The following ABCG1 variants were observed in gnomAD, a reference collection of about 807,000 sequenced individuals.
ABCG1 encodes the protein ATP-binding cassette sub-family G member 1.
In ABCG1, 29 loss-of-function variants were observed where a neutral mutation model predicts 69.2. That is an observed-to-expected ratio of 0.42 (90% CI 0.31 to 0.57). The LOEUF is 0.57. ABCG1 is among the 20% of genes least tolerant of loss of function. The probability of loss-of-function intolerance (pLI) is 0.15; values close to 1 mark genes in which losing one functional copy is unlikely to be tolerated. For missense variants in ABCG1, 718 were observed against 898.1 expected (o/e 0.80, Z 2.56); for synonymous variants, 370 against 374.8 (o/e 0.99, Z 0.15).
chr21:42,272,430 G>C (rs1442473887), intron 3 of ABCG1, among the ~76,000 whole-genome samples: 2 of 152,284 alleles, frequency 1.3e-5, no homozygotes, highest in African/African-American at 4.8e-5. Context: ...GCCTGGAGGA[G>C]AGAAGAGACC....
chr21:42,263,534 G>A (rs1051509200), intron 2 of ABCG1, among the ~76,000 whole-genome samples: 5 of 152,166 alleles, frequency 3.3e-5, no homozygotes, highest in African/African-American at 4.8e-5. Flanking sequence ...TATGGTCTGC[G>A]CACTTCTCTG....
chr21:42,207,808 C>T (rs907176016), intron 2 of ABCG1, among the ~76,000 whole-genome samples: 1 of 152,202 alleles, frequency 6.6e-6, no homozygotes, highest in Non-Finnish European at 1.5e-5. Flanking sequence ...AAGACCTTAA[C>T]TACTGTTCCC....
chr21:42,213,083 A>G (rs221948), upstream of ABCG1, among the ~76,000 whole-genome samples: 139,692 of 152,340 alleles, frequency 0.92, 64,280 homozygotes, highest in African/African-American at 0.98. Context: ...GCATGTTTAG[A>G]AGATCAAGGG....
At chr21:42,289,987 G>C in intron 10 of ABCG1, 63 bp from the exon 11 acceptor site, 1 of 1,601,760 alleles carries the variant, frequency 6.2e-7, no homozygotes, top group Non-Finnish European at 8.6e-7. Context: ...CCGCATCCGG[G>C]TTGTTCTCTG....
At position 42,260,167 on chromosome 21, in the gene ABCG1, G is replaced by A. The variant is rs147710553; in HGVS notation, c.287-10903G>A. ...GAGGATGAGTTGTGTTGCTTCTCGG[G>A]TGAAGCTGGTCACGTGGCCCTAAAG... On this transcript the variant is annotated intron_variant, in intron 2 of 14. Transcript: ENST00000398449. The A allele has an allele frequency of 2.0e-3, 3,066 of 1,550,484 alleles. 6 individuals carry two copies. Among genetic ancestry groups the A allele is most frequent in the Non-Finnish European group, 2.4e-3 (2,798 of 1,146,954 alleles).
chr21:42,256,993 G>C (rs907602673), intron 2 of ABCG1, among the ~76,000 whole-genome samples: 2 of 152,250 alleles, frequency 1.3e-5, no homozygotes, highest in Admixed American at 1.3e-4. Context: ...TCCAGCAGCA[G>C]CCAGTGTTTA....
intron 2 of ABCG1, among the ~76,000 whole-genome samples, chr21:42,235,897 G>A (rs1412805337): frequency 6.6e-6 from 1 of 152,180 alleles, no homozygotes; most frequent in East Asian, 1.9e-4. Flanking sequence ...GGCCAAGGAG[G>A]GAGTCCATCC....
intron 2 of ABCG1, among the ~76,000 whole-genome samples, chr21:42,238,647 T>C (rs1478263449): frequency 6.6e-6 from 1 of 152,212 alleles, no homozygotes; most frequent in Non-Finnish European, 1.5e-5. Context: ...TTTCCACCAT[T>C]CAAACAAAGC....
At chr21:42,275,737 A>T (rs2068697983) in intron 4 of ABCG1, among the ~76,000 whole-genome samples, 1 of 152,210 alleles carries the variant, frequency 6.6e-6, no homozygotes, top group African/African-American at 2.4e-5. Flanking sequence ...TTCGATTTTG[A>T]TTCTGAGAAT....
In ABCG1 at chr21:42,219,938, G is replaced by T. The variant is rs1031409744; in HGVS notation, c.42+634G>T. On this transcript the variant is annotated intron_variant, in intron 1 of 14. Transcript: ENST00000398449. The surrounding 1 kb of genome is among the most constrained non-coding windows in gnomAD (Gnocchi z 5.3). ...GGATTCCTGCCGGCCGCCTTTCTGCGCGCGCCGGAGAGAGAGACGCGGTGG... is the reference window on the plus strand; with the variant it reads ...GGATTCCTGCCGGCCGCCTTTCTGCTCGCGCCGGAGAGAGAGACGCGGTGG... 4 of 1,551,022 alleles carry T rather than the reference G, an allele frequency of 2.6e-6. No homozygotes were observed. The African/African-American group carries it at 5.5e-5, about 21-fold the overall frequency.
At chr21:42,229,103 G>C (rs1242697187) in intron 2 of ABCG1, among the ~76,000 whole-genome samples, 1 of 152,108 alleles carries the variant, frequency 6.6e-6, no homozygotes, top group African/African-American at 2.4e-5. Flanking sequence ...CCAATTGCTG[G>C]CGGTGGTCTC....
upstream of ABCG1, among the ~76,000 whole-genome samples, chr21:42,214,304 G>A (rs910748007): frequency 6.6e-6 from 1 of 152,200 alleles, no homozygotes; most frequent in Non-Finnish European, 1.5e-5. Flanking sequence ...CCATCTATGA[G>A]GAACAGGCCC....
Position 42,291,364 on chromosome 21 carries a change from G to A in ABCG1, c.1495-134G>A. ...TTCGGGAGCTGTGGCGGGAGCTGTG[G>A]GGAGTGGGGAAGGACCCGACTTTGG... On this transcript the variant is annotated intron_variant, in intron 12 of 14. Coordinates refer to ENST00000398449, the MANE Select transcript of ABCG1 (RefSeq NM_016818.3). This position sits in a 1 kb window ranked among gnomAD's most constrained non-coding sequence, Gnocchi z 6.4. The A allele has an allele frequency of 7.8e-7, 1 of 1,283,218 alleles. No individual in the cohort carries two copies. Among genetic ancestry groups the A allele is most frequent in the South Asian group, 1.4e-5 (1 of 72,934 alleles). 79.5% of individuals were successfully genotyped at this position (1,283,218 alleles called of 1,614,324 possible). A position where few individuals can be genotyped will look rare whatever the true frequency, so the allele number is the denominator to read the frequency against.
chr21:42,215,248 C>G (rs973194154), upstream of ABCG1, among the ~76,000 whole-genome samples: 3 of 152,218 alleles, frequency 2.0e-5, no homozygotes, highest in Non-Finnish European at 4.4e-5. Context: ...ACCACAGGCC[C>G]ACCTGGACAT....
intron 2 of ABCG1, among the ~76,000 whole-genome samples, chr21:42,229,285 G>A (rs946182803): frequency 6.6e-6 from 1 of 152,226 alleles, no homozygotes; most frequent in Non-Finnish European, 1.5e-5. Context: ...TCATTTTGCT[G>A]TCTGTATCAA....
At chr21:42,226,552 A>G (rs2067819998) in intron 2 of ABCG1, among the ~76,000 whole-genome samples, 1 of 152,126 alleles carries the variant, frequency 6.6e-6, no homozygotes, top group Non-Finnish European at 1.5e-5. Context: ...GATGAGTGGT[A>G]GTTTGAGTTT....
At chr21:42,224,980 C>T (rs2067792116) in intron 1 of ABCG1, among the ~76,000 whole-genome samples, 1 of 150,786 alleles carries the variant, frequency 6.6e-6, no homozygotes, top group South Asian at 2.1e-4. Context: ...TCTGGGATAA[C>T]TTCTGCTACT....
chr21:42,259,448 G>A, intron 2 of ABCG1: 2 of 1,549,352 alleles, frequency 1.3e-6, no homozygotes, highest in South Asian at 1.2e-5. Context: ...GGGTGCCGAT[G>A]TCTGGCCTAC....
In ABCG1 at chr21:42,288,099, G is replaced by T; in HGVS notation, c.1122+62G>T. 2 of 1,607,078 alleles carry T rather than the reference G, an allele frequency of 1.2e-6. No homozygotes were observed. The highest frequency in any genetic ancestry group is 1.7e-6 in the Non-Finnish European group (2 of 1,174,272). ...GTAATGCAAATCCCGAAGCCCCCTG[G>T]GGGAGGCTGCACGTGGCACCGTGCA... On this transcript the variant is annotated intron_variant, in intron 9 of 14. Transcript: ENST00000398449. This position sits in a 1 kb window ranked among gnomAD's most constrained non-coding sequence, Gnocchi z 4.8.
Sources: gnomAD v4.1 joint callset for allele counts (sites outside exome capture counted in the v4.1 genomes callset) on GRCh38, gnomAD v4.1.1 for gene constraint, Gnocchi (gnomAD v3.1) non-coding constraint, MANE v1.5 for transcripts, NCBI Gene and HGNC (gene_info 2026-07-23, HGNC 2026-07-21) for gene names.